FAM163B: variants seen among roughly 807,000 people sequenced by gnomAD.
The protein encoded by FAM163B is family with sequence similarity 163 member B.
FAM163B carries 4 observed loss-of-function variants against 7.6 expected under a neutral mutation model. The observed-to-expected ratio is 0.52, with a 90% CI of 0.26 to 1.20. The LOEUF (loss-of-function observed/expected upper bound fraction) is 1.20. FAM163B is among the 50% of genes most tolerant of loss of function. The probability of loss-of-function intolerance (pLI) is 0.14; values close to 1 mark genes in which losing one functional copy is unlikely to be tolerated. For synonymous variants in FAM163B, 120 were observed against 111.6 expected, an observed-to-expected ratio of 1.07 and a Z score of -0.47; for missense variants, 250 against 243.0, an observed-to-expected ratio of 1.03 and a Z score of -0.19.
intron 1 of FAM163B, among the ~76,000 whole-genome samples, chr9:133,583,495 T>C (rs926650440): frequency 1.3e-5 from 2 of 152,162 alleles, no homozygotes. Context: ...CTCTATAAAA[T>C]GGGAGAACCC....
chr9:133,585,150 G>A (rs1319247121), intron 1 of FAM163B, among the ~76,000 whole-genome samples: 5 of 152,324 alleles, frequency 3.3e-5, no homozygotes, highest in African/African-American at 1.2e-4. Flanking sequence ...AGCCGGCAGG[G>A]AGAGCCAGCT....
chr9:133,585,162 C>T (rs1040642814), intron 1 of FAM163B, among the ~76,000 whole-genome samples: 10 of 152,152 alleles, frequency 6.6e-5, no homozygotes, highest in Non-Finnish European at 1.2e-4. Context: ...GAGCCAGCTG[C>T]GTTTACAAGC....
intron 1 of FAM163B, among the ~76,000 whole-genome samples, chr9:133,595,306 C>T (rs530790913): frequency 5.3e-5 from 8 of 152,290 alleles, no homozygotes; most frequent in South Asian, 2.1e-4. Flanking sequence ...CCAGCACACC[C>T]GGCTAATTTT....
At position 133,587,166 on chromosome 9, in the gene FAM163B, T is replaced by C. The variant is rs1831451916; in HGVS notation, c.-23-6920A>G. 2.0e-5 allele frequency among the ~76,000 whole-genome samples: 3 copies of C among 152,308 alleles called. No homozygotes were observed. In the South Asian group the frequency reaches 6.2e-4, roughly 32 times the overall value. ...CTGAAACTCAAAGCCCATCCCTGTCTGGAGTCCAAGCCACAGAGGCCACTC... is the reference window on the plus strand; with the variant it reads ...CTGAAACTCAAAGCCCATCCCTGTCCGGAGTCCAAGCCACAGAGGCCACTC... On this transcript the variant is annotated intron_variant, in intron 1 of 2. Coordinates refer to ENST00000673969, the MANE Select transcript of FAM163B (RefSeq NM_001080515.3).
Position 133,600,921 on chromosome 9 carries a change from G to C in FAM163B, c.-24+8156C>G, listed in dbSNP as rs766274994. Among the ~76,000 whole-genome samples, 12 of 152,234 alleles carry C rather than the reference G, an allele frequency of 7.9e-5. No individual in the cohort carries two copies. The highest frequency in any genetic ancestry group is 2.1e-4 in the South Asian group (1 of 4,816). ...TCAACTCTCCCTTGGTAGGGGGTAG[G>C]GGGGGAGCTTCATTGCCTCGAGTTC... On this transcript the variant is annotated intron_variant, in intron 1 of 2. Coordinates refer to ENST00000673969, the MANE Select transcript of FAM163B (RefSeq NM_001080515.3). The surrounding 1 kb of genome is among the most constrained non-coding windows in gnomAD (Gnocchi z 4.9).
At position 133,609,319 on chromosome 9, in the gene FAM163B, G is replaced by A. The variant is rs1293996099; in HGVS notation, c.-266C>T. On this transcript the variant is annotated 5_prime_UTR_variant, in exon 1 of 3. Transcript: ENST00000673969. ...AGCTCCGCGCTGCGGCCGCGACTCC[G>A]GACGCCCCGGCTGGCTCCCTGCGAG... is the stretch of plus-strand genomic sequence containing the variant. Among the ~76,000 whole-genome samples the A allele has an allele frequency of 9.4e-5, 14 of 149,646 alleles. No homozygotes were observed. Among genetic ancestry groups the A allele is most frequent in the African/African-American group, 3.2e-4 (13 of 41,172 alleles).
chr9:133,590,793 T>TA (rs1831541423), intron 1 of FAM163B, among the ~76,000 whole-genome samples: 1 of 152,042 alleles, frequency 6.6e-6, no homozygotes, highest in African/African-American at 2.4e-5. Flanking sequence ...TTCCAGCCCT[T>TA]ACCAAGGTCT....
At chr9:133,591,471 C>A (rs1433491810) in intron 1 of FAM163B, among the ~76,000 whole-genome samples, 1 of 152,190 alleles carries the variant, frequency 6.6e-6, no homozygotes, top group Non-Finnish European at 1.5e-5. Context: ...TGTGTCCCTG[C>A]AGGGGACCCT....
intron 1 of FAM163B, among the ~76,000 whole-genome samples, chr9:133,599,312 C>T (rs945612904): frequency 6.6e-6 from 1 of 152,188 alleles, no homozygotes; most frequent in African/African-American, 2.4e-5. Context: ...TGCTGCTCGC[C>T]CAGGCCTCCT....
intron 1 of FAM163B, among the ~76,000 whole-genome samples, chr9:133,602,277 T>A (rs1831740088): frequency 6.6e-6 from 1 of 152,192 alleles, no homozygotes; most frequent in South Asian, 2.1e-4. Flanking sequence ...CAGGCCCATG[T>A]TCATAGACCA....
chr9:133,583,231 C>T (rs754824110), intron 1 of FAM163B, among the ~76,000 whole-genome samples: 78 of 152,282 alleles, frequency 5.1e-4, no homozygotes, highest in Non-Finnish European at 9.1e-4. Flanking sequence ...TTACTGATAG[C>T]AATGGGGGCC....
At chr9:133,586,715 C>T (rs1056280656) in intron 1 of FAM163B, among the ~76,000 whole-genome samples, 4 of 152,152 alleles carry the variant, frequency 2.6e-5, no homozygotes, top group Admixed American at 6.5e-5. Context: ...GCTGTTTCCA[C>T]GTTGGGCCAG....
chr9:133,580,355 G>T (rs13286034), intron 1 of FAM163B, 109 bp from the exon 2 acceptor site: 20,829 of 836,428 alleles, frequency 0.025, 439 homozygotes, highest in Middle Eastern at 0.082. Context: ...AAGCACCCCA[G>T]GATGTGCCTG....
Position 133,601,800 on chromosome 9 carries a change from G to C in FAM163B, c.-24+7277C>G, listed in dbSNP as rs1831733228. Among the ~76,000 whole-genome samples the C allele has an allele frequency of 1.3e-5, 2 of 152,218 alleles. No homozygotes were observed. The highest frequency in any genetic ancestry group is 1.3e-4 in the Admixed American group (2 of 15,284). ...AGCCATCTGACCACCATGGCGTCAG[G>C]GCGCGTCTCAGAAGGCTTGACTAAA... On this transcript the variant is annotated intron_variant, in intron 1 of 2. Coordinates refer to ENST00000673969, the MANE Select transcript of FAM163B (RefSeq NM_001080515.3). The surrounding 1 kb of genome is among the most constrained non-coding windows in gnomAD (Gnocchi z 4.1).
chr9:133,604,981 G>A (rs1190150377), intron 1 of FAM163B, among the ~76,000 whole-genome samples: 1 of 152,252 alleles, frequency 6.6e-6, no homozygotes, highest in Non-Finnish European at 1.5e-5. Context: ...GTGAGGAACG[G>A]AGATGGAGGT....
At chr9:133,587,617 G>A (rs1043994135) in intron 1 of FAM163B, among the ~76,000 whole-genome samples, 3 of 152,264 alleles carry the variant, frequency 2.0e-5, no homozygotes, top group South Asian at 2.1e-4. Flanking sequence ...TGGGTCAGGC[G>A]GAGCTGAGAT....
chr9:133,599,871 GTC>G (rs1292155506), intron 1 of FAM163B, among the ~76,000 whole-genome samples: 10 of 151,232 alleles, frequency 6.6e-5, no homozygotes, highest in Non-Finnish European at 1.2e-4. Context: ...GTGCTAGTGT[GTC>G]TGTGTGCATG....
At position 133,578,952 on chromosome 9, in the gene FAM163B, T is replaced by C. The variant is rs1259630426; in HGVS notation, c.*70A>G. Reference sequence around the variant, plus strand: ...GCCCCACTTGGGGCCTGGGGCCAGGTGGGTGTGCCAAAGGAATCCCCCCAT... The same window carrying C: ...GCCCCACTTGGGGCCTGGGGCCAGGCGGGTGTGCCAAAGGAATCCCCCCAT... On this transcript the variant is annotated 3_prime_UTR_variant, in exon 3 of 3. Coordinates refer to ENST00000673969, the MANE Select transcript of FAM163B (RefSeq NM_001080515.3). 1.0e-5 allele frequency: 15 copies of C among 1,440,914 alleles called. No individual in the cohort carries two copies. The South Asian group carries it at 2.1e-4, about 20-fold the overall frequency. The allele number at this position is 1,440,914 out of a possible 1,614,324, so 89.3% of individuals were successfully genotyped here.
At chr9:133,594,840 G>A (rs1469956891) in intron 1 of FAM163B, among the ~76,000 whole-genome samples, 1 of 152,156 alleles carries the variant, frequency 6.6e-6, no homozygotes, top group Non-Finnish European at 1.5e-5. Flanking sequence ...AGAGCACCCT[G>A]GGCAGGAAAT....
Sources: gnomAD v4.1 joint callset for allele counts (sites outside exome capture counted in the v4.1 genomes callset) on GRCh38, gnomAD v4.1.1 for gene constraint, Gnocchi (gnomAD v3.1) non-coding constraint, MANE v1.5 for transcripts, NCBI Gene and HGNC (gene_info 2026-07-23, HGNC 2026-07-21) for gene names.